Variants in FOXJ3 observed in about 807,000 individuals in gnomAD.
The protein encoded by FOXJ3 is forkhead box J3.
FOXJ3 carries 22 observed loss-of-function variants against 76.1 expected under a neutral mutation model. The observed-to-expected ratio is 0.29, with a 90% CI of 0.21 to 0.41. The LOEUF (loss-of-function observed/expected upper bound fraction) is 0.41. FOXJ3 is among the 10% of genes least tolerant of loss of function. FOXJ3 has a pLI of 1.00. For missense variants in FOXJ3, 613 were observed against 762.1 expected (o/e 0.80, Z 2.30); for synonymous variants, 269 against 261.2 (o/e 1.03, Z -0.29).
At position 42,181,918 on chromosome 1, in the gene FOXJ3, T is replaced by C. The variant is rs775566401; in HGVS notation, c.1752A>G (p.Ala584=). The C allele has an allele frequency of 6.4e-7, 1 of 1,574,074 alleles. No homozygotes were observed. Among genetic ancestry groups the C allele is most frequent in the Non-Finnish European group, 8.7e-7 (1 of 1,146,054 alleles). ...QALSTPGTTM[A]GHHRAMNQQH... ...ACTCACTCTCTCTCTCTCTCTTACC[T>C]GCCATCGTTGTTCCTGGAGTGCTGA... The change falls in exon 12 of 13, where the codon GCA becomes GCG. Residue 584 remains alanine, a splice_region_variant and synonymous_variant. Transcript: ENST00000361346.
intron 11 of FOXJ3, among the ~76,000 whole-genome samples, chr1:42,185,252 ATTTT>A (rs36007346): frequency 3.7e-5 from 4 of 108,296 alleles, no homozygotes; most frequent in African/African-American, 8.2e-5. Flanking sequence ...AACATACTGA[ATTTT>A]TTTTTTTTTT....
chr1:42,312,344 G>A lies in FOXJ3; in HGVS notation c.-17-1234C>T, dbSNP rs548011452. 1.1e-3 allele frequency among the ~76,000 whole-genome samples: 166 copies of A among 152,214 alleles called. 1 individual carries two copies. Among genetic ancestry groups the A allele is most frequent in the African/African-American group, 3.9e-3 (161 of 41,534 alleles). ...AAGTGCTGAGCTTACAGGTATAAGC[G>A]ACTGCACCTGGCCCTGATTTTCATT... On this transcript the variant is annotated intron_variant, in intron 1 of 12. Transcript: ENST00000361346.
chr1:42,193,776 C>T (rs945223514), intron 8 of FOXJ3, among the ~76,000 whole-genome samples: 1 of 152,086 alleles, frequency 6.6e-6, no homozygotes, highest in Non-Finnish European at 1.5e-5. Context: ...GTTGGGGTGC[C>T]ACAGTTTGAA....
intron 2 of FOXJ3, among the ~76,000 whole-genome samples, chr1:42,297,142 C>T (rs991367762): frequency 2.0e-5 from 3 of 152,120 alleles, no homozygotes; most frequent in Admixed American, 1.3e-4. Flanking sequence ...TGCTACTGAT[C>T]ATTGTACATT....
chr1:42,196,720 A>C (rs1445040547), intron 7 of FOXJ3, among the ~76,000 whole-genome samples: 1 of 152,166 alleles, frequency 6.6e-6, no homozygotes, highest in African/African-American at 2.4e-5. Flanking sequence ...CAGTCTACAA[A>C]GTCTAGCTTT....
chr1:42,230,639 T>C (rs1048379697), intron 4 of FOXJ3, among the ~76,000 whole-genome samples: 1 of 152,242 alleles, frequency 6.6e-6, no homozygotes, highest in Admixed American at 6.5e-5. Context: ...GGCATCATGT[T>C]GGCGCTCAAC....
In FOXJ3 at chr1:42,237,127, G is replaced by A. The variant is rs895283627; in HGVS notation, c.445-9161C>T. 3.9e-5 allele frequency among the ~76,000 whole-genome samples: 6 copies of A among 152,002 alleles called. No individual in the cohort carries two copies. The East Asian group carries it at 5.8e-4, about 15-fold the overall frequency. On this transcript the variant is annotated intron_variant, in intron 4 of 12. Coordinates refer to ENST00000361346, the MANE Select transcript of FOXJ3 (RefSeq NM_014947.5). ...GTGGTGACTCACACCTGTAATCCCAGCACTCTCGGAGGCCGAGGGGGGTGG... is the reference window on the plus strand; with the variant it reads ...GTGGTGACTCACACCTGTAATCCCAACACTCTCGGAGGCCGAGGGGGGTGG...
chr1:42,234,156 C>A (rs552566162), intron 4 of FOXJ3, among the ~76,000 whole-genome samples: 12 of 152,274 alleles, frequency 7.9e-5, no homozygotes, highest in Non-Finnish European at 1.2e-4. Context: ...ATTTGATCTT[C>A]CATCACTGAT....
intron 4 of FOXJ3, among the ~76,000 whole-genome samples, chr1:42,241,622 A>G (rs1289243812): frequency 6.6e-6 from 1 of 152,182 alleles, no homozygotes; most frequent in Non-Finnish European, 1.5e-5. Flanking sequence ...TGAGTGATAC[A>G]TGAGGTCTGG....
chr1:42,257,413 T>C (rs1650678165), intron 4 of FOXJ3, among the ~76,000 whole-genome samples: 1 of 151,912 alleles, frequency 6.6e-6, no homozygotes, highest in African/African-American at 2.4e-5. Flanking sequence ...GTAATCAAGA[T>C]ATAGAAAATC....
chr1:42,264,028 A>G (rs937474072), intron 4 of FOXJ3, among the ~76,000 whole-genome samples: 2 of 146,382 alleles, frequency 1.4e-5, no homozygotes, highest in South Asian at 2.1e-4. Context: ...TGAGAGTCCA[A>G]TTAGGAGCTA....
intron 1 of FOXJ3, among the ~76,000 whole-genome samples, chr1:42,322,120 G>A (rs963176319): frequency 6.6e-5 from 10 of 152,242 alleles, no homozygotes; most frequent in African/African-American, 2.4e-4. Context: ...AGATAGAGAC[G>A]TGAAGGGCCA....
chr1:42,277,914 T>C (rs1425403865), intron 3 of FOXJ3, among the ~76,000 whole-genome samples: 5 of 149,874 alleles, frequency 3.3e-5, no homozygotes, highest in Admixed American at 3.3e-4. Context: ...AAGGCGAAGC[T>C]TGCAGTGAGC....
chr1:42,301,445 C>T (rs991801487), intron 2 of FOXJ3, among the ~76,000 whole-genome samples: 1 of 152,090 alleles, frequency 6.6e-6, no homozygotes, highest in Non-Finnish European at 1.5e-5. Context: ...TCAAGTGATC[C>T]ACCCGCCTCC....
At chr1:42,295,517 G>GTTT (rs1653727267) in intron 2 of FOXJ3, among the ~76,000 whole-genome samples, 1 of 130,034 alleles carries the variant, frequency 7.7e-6, no homozygotes, top group African/African-American at 3.0e-5. Flanking sequence ...GACTACAAGT[G>GTTT]TCTTTTTTTT....
In FOXJ3 at chr1:42,248,409, C is replaced by T. The variant is rs138182365; in HGVS notation, c.444+16706G>A. On this transcript the variant is annotated intron_variant, in intron 4 of 12. Coordinates refer to ENST00000361346, the MANE Select transcript of FOXJ3 (RefSeq NM_014947.5). ...ATTAGCCGGGCGTGGTGGCGGGCAC[C>T]TGTAGTCCCAGCTACTCGGGAGGCT... Among the ~76,000 whole-genome samples the T allele has an allele frequency of 7.0e-3, 1,072 of 152,058 alleles. 21 individuals are homozygous for T. Among genetic ancestry groups the T allele is most frequent in the African/African-American group, 0.025 (1,034 of 41,454 alleles).
intron 5 of FOXJ3, among the ~76,000 whole-genome samples, chr1:42,217,385 T>A (rs1333223267): frequency 1.3e-5 from 2 of 152,066 alleles, no homozygotes; most frequent in Admixed American, 6.5e-5. Flanking sequence ...AAAACTTCGC[T>A]GGGCGTGGTG....
Position 42,335,175 on chromosome 1 carries a change from C to T in FOXJ3, c.-134G>A, listed in dbSNP as rs1342706753. On this transcript the variant is annotated 5_prime_UTR_variant, in exon 1 of 13. Coordinates refer to ENST00000361346, the MANE Select transcript of FOXJ3 (RefSeq NM_014947.5). ...GCGAGCGGTCGAGGCCCCGAGCAGC[C>T]CCGAGAGCGGCGGCGGCAGCAAGAG... 2 of 152,192 alleles carry T rather than the reference C, an allele frequency of 1.3e-5. No individual in the cohort carries two copies. Among genetic ancestry groups the T allele is most frequent in the South Asian group, 2.1e-4 (1 of 4,844 alleles). The allele number at this position is 152,192 out of a possible 1,614,324, so 9.4% of individuals were successfully genotyped here.
chr1:42,330,211 T>C (rs1656076045), intron 1 of FOXJ3, among the ~76,000 whole-genome samples: 2 of 152,206 alleles, frequency 1.3e-5, no homozygotes, highest in Non-Finnish European at 1.5e-5. Context: ...TGTTAGCTAT[T>C]ATTATCATTA....
Sources: gnomAD v4.1 joint callset for allele counts (sites outside exome capture counted in the v4.1 genomes callset) on GRCh38, gnomAD v4.1.1 for gene constraint, MANE v1.5 for transcripts, NCBI Gene and HGNC (gene_info 2026-07-23, HGNC 2026-07-21) for gene names.